The following LRRTM4 variants were observed in gnomAD, a reference collection of about 807,000 sequenced individuals.
LRRTM4 encodes leucine-rich repeat transmembrane neuronal protein 4.
LRRTM4 carries 25 observed loss-of-function variants against 47.6 expected under a neutral mutation model. That is an observed-to-expected ratio of 0.53 (90% CI 0.38 to 0.73). The LOEUF is 0.73. LRRTM4 is among the 30% of genes least tolerant of loss of function. The pLI, the probability that LRRTM4 is intolerant of heterozygous loss-of-function variation, is 0.00. For synonymous variants in LRRTM4, 311 were observed against 269.5 expected (o/e 1.15, Z -1.51); for missense variants, 638 against 713.4 (o/e 0.89, Z 1.20).
At chr2:76,761,189 G>T (rs1328687304) in intron 3 of LRRTM4, among the ~76,000 whole-genome samples, 4 of 152,228 alleles carry the variant, frequency 2.6e-5, no homozygotes, top group African/African-American at 7.2e-5. Context: ...CCTGCCGGGA[G>T]ATTGCTTGAC....
intron 3 of LRRTM4, among the ~76,000 whole-genome samples, chr2:76,936,379 T>C (rs1310015108): frequency 4.0e-5 from 6 of 149,192 alleles, no homozygotes; most frequent in African/African-American, 1.2e-4. Context: ...TAAGTGAGAG[T>C]TGAGCAATGA....
At chr2:76,863,462 ATG>A (rs1672377005) in intron 3 of LRRTM4, among the ~76,000 whole-genome samples, 1 of 152,200 alleles carries the variant, frequency 6.6e-6, no homozygotes, top group Non-Finnish European at 1.5e-5. Flanking sequence ...GCTGGTGTAT[ATG>A]TGTGTTTCCA....
intron 3 of LRRTM4, among the ~76,000 whole-genome samples, chr2:77,229,211 C>T (rs1164592441): frequency 6.6e-6 from 1 of 152,038 alleles, no homozygotes; most frequent in Non-Finnish European, 1.5e-5. Context: ...ATTAGAATGT[C>T]CTAGTTTTTG....
intron 3 of LRRTM4, among the ~76,000 whole-genome samples, chr2:77,404,034 TC>T (rs1674070486): frequency 6.6e-6 from 1 of 151,976 alleles, no homozygotes; most frequent in Non-Finnish European, 1.5e-5. Flanking sequence ...TTTTAAATAA[TC>T]CATCTTGACA....
intron 3 of LRRTM4, among the ~76,000 whole-genome samples, chr2:76,849,421 C>A (rs992872472): frequency 2.0e-5 from 3 of 152,148 alleles, no homozygotes; most frequent in African/African-American, 7.2e-5. Flanking sequence ...AAATACAGAG[C>A]TGGAATATTT....
intron 3 of LRRTM4, among the ~76,000 whole-genome samples, chr2:77,003,812 A>T (rs1448781914): frequency 6.6e-6 from 1 of 152,170 alleles, no homozygotes; most frequent in Non-Finnish European, 1.5e-5. Context: ...GGCTCAGAAG[A>T]CAGAAACATG....
chr2:77,146,369 C>T (rs914581874), intron 3 of LRRTM4, among the ~76,000 whole-genome samples: 2 of 152,104 alleles, frequency 1.3e-5, no homozygotes, highest in African/African-American at 2.4e-5. Flanking sequence ...TTTCAAGATT[C>T]ATTACTTTCC....
Position 77,161,931 on chromosome 2 carries a change from T to G in LRRTM4, c.1551+356387A>C, listed in dbSNP as rs569649560. On this transcript the variant is annotated intron_variant, in intron 3 of 3. Transcript: ENST00000409884. ...AGGCTCCAAGATGGCTGAATAGGAA[T>G]AGCTCCAGTCTACAGCTCCCAGCGT... Among the ~76,000 whole-genome samples, 9 of 152,256 alleles carry G rather than the reference T, an allele frequency of 5.9e-5. No individual in the cohort carries two copies. The South Asian group carries it at 8.3e-4, about 14-fold the overall frequency.
At chr2:77,081,975 G>C (rs537362400) in intron 3 of LRRTM4, among the ~76,000 whole-genome samples, 11 of 151,952 alleles carry the variant, frequency 7.2e-5, no homozygotes, top group African/African-American at 2.7e-4. Flanking sequence ...TCATCACAAA[G>C]AGATTACTGT....
chr2:77,328,773 C>T (rs113238408), intron 3 of LRRTM4, among the ~76,000 whole-genome samples: 9 of 152,196 alleles, frequency 5.9e-5, no homozygotes, highest in African/African-American at 1.7e-4. Flanking sequence ...TTAGGGATTT[C>T]GGGCTGCACT....
intron 3 of LRRTM4, among the ~76,000 whole-genome samples, chr2:76,901,915 C>T (rs1673650789): frequency 1.3e-5 from 2 of 152,116 alleles, no homozygotes; most frequent in African/African-American, 2.4e-5. Context: ...AACCTAAATT[C>T]CATATATAAT....
chr2:77,085,386 T>A (rs1471675175), intron 3 of LRRTM4, among the ~76,000 whole-genome samples: 1 of 151,790 alleles, frequency 6.6e-6, no homozygotes, highest in African/African-American at 2.4e-5. Context: ...CACTTTTTTT[T>A]TTTTTTGCCT....
chr2:76,876,074 C>G (rs1672770992), intron 3 of LRRTM4, among the ~76,000 whole-genome samples: 1 of 152,022 alleles, frequency 6.6e-6, no homozygotes, highest in Admixed American at 6.6e-5. Flanking sequence ...GCTCTCTAAT[C>G]AAGTCTAATT....
chr2:77,229,304 A>G (rs568179896), intron 3 of LRRTM4, among the ~76,000 whole-genome samples: 1 of 152,218 alleles, frequency 6.6e-6, no homozygotes, highest in East Asian at 1.9e-4. Flanking sequence ...CTGAGTAACA[A>G]CTTAGTATTT....
intron 3 of LRRTM4, among the ~76,000 whole-genome samples, chr2:76,990,092 C>T (rs1305157131): frequency 6.6e-6 from 1 of 151,664 alleles, no homozygotes; most frequent in Non-Finnish European, 1.5e-5. Flanking sequence ...AAGGCAATGC[C>T]TTAATCACTC....
chr2:77,273,859 C>G (rs1166160172), intron 3 of LRRTM4, among the ~76,000 whole-genome samples: 2 of 152,118 alleles, frequency 1.3e-5, no homozygotes, highest in African/African-American at 4.8e-5. Flanking sequence ...TGGATGTTTA[C>G]ATATTACCAT....
intron 3 of LRRTM4, among the ~76,000 whole-genome samples, chr2:76,806,937 A>G (rs971125688): frequency 6.6e-6 from 1 of 152,202 alleles, no homozygotes; most frequent in Admixed American, 6.6e-5. Context: ...ACTTATGGCC[A>G]TATAAAAATT....
intron 3 of LRRTM4, among the ~76,000 whole-genome samples, chr2:77,199,744 C>T (rs539427953): frequency 9.2e-5 from 14 of 152,132 alleles, no homozygotes; most frequent in Admixed American, 6.6e-4. Context: ...AGACAAGGAA[C>T]AATTATAGCA....
chr2:77,211,148 G>A (rs1674282370), intron 3 of LRRTM4, among the ~76,000 whole-genome samples: 1 of 152,138 alleles, frequency 6.6e-6, no homozygotes, highest in Non-Finnish European at 1.5e-5. Flanking sequence ...GAAAGGGGAG[G>A]AGGGCAATGA....
Sources: allele counts gnomAD v4.1 joint callset (sites outside exome capture counted in the v4.1 genomes callset), GRCh38; gene constraint gnomAD v4.1.1; transcripts MANE v1.5; gene names NCBI Gene and HGNC (gene_info 2026-07-23, HGNC 2026-07-21).